Variants in CLDN10 observed in about 807,000 individuals in gnomAD.
CLDN10 encodes claudin 10, also known as claudin-10.
Under a neutral mutation model 22.9 loss-of-function variants are expected in CLDN10, and 15 were observed. The ratio of observed to expected loss-of-function variants is 0.65; its 90% confidence interval spans 0.44 to 1.01. The LOEUF (loss-of-function observed/expected upper bound fraction) is 1.01, where lower values mean the gene tolerates loss of function less well. CLDN10 is among the 50% of genes least tolerant of loss of function. CLDN10 has a pLI of 0.00. For missense variants in CLDN10, 247 were observed against 287.8 expected (o/e 0.86, Z 1.03); for synonymous variants, 114 against 111.4 (o/e 1.02, Z -0.15).
intron 1 of CLDN10, among the ~76,000 whole-genome samples, chr13:95,527,376 G>A (rs898728453): frequency 1.3e-5 from 2 of 152,106 alleles, no homozygotes; most frequent in African/African-American, 4.8e-5. Context: ...ACAAATGTGT[G>A]TGTCTCCCAT....
In CLDN10 at chr13:95,552,963, G is replaced by A. The variant is rs2043585889; in HGVS notation, c.210G>A (p.Leu70=). The change falls in exon 1 of 5, where the codon CTG becomes CTA. Residue 70 remains leucine (L), a synonymous_variant. Transcript: ENST00000299339. The part of the protein sequence containing the change: ...VSNCKDFPSM[L]ALDGYIQACR... ...ACTGCAAGGACTTCCCCTCCATGCT[G>A]GCGCTGGACGGTCTGCATCCCCGCG... is the stretch of plus-strand genomic sequence containing the variant. The A allele has an allele frequency of 6.2e-7, 1 of 1,613,790 alleles. No homozygotes were observed. The highest frequency in any genetic ancestry group is 8.5e-7 in the Non-Finnish European group (1 of 1,179,974).
chr13:95,473,165 G>C (rs1020987992), intron 1 of CLDN10, among the ~76,000 whole-genome samples: 2 of 147,058 alleles, frequency 1.4e-5, no homozygotes, highest in Admixed American at 6.8e-5. Flanking sequence ...AAAAAGGAGA[G>C]AGAGAGAGAA....
At chr13:95,449,701 G>A (rs2042414327) in intron 1 of CLDN10, among the ~76,000 whole-genome samples, 2 of 151,468 alleles carry the variant, frequency 1.3e-5, no homozygotes, top group African/African-American at 4.8e-5. Flanking sequence ...GAGTAGCTGG[G>A]ACTATAGGTG....
chr13:95,445,077 G>C (rs1274142592), intron 1 of CLDN10, among the ~76,000 whole-genome samples: 2 of 152,204 alleles, frequency 1.3e-5, no homozygotes, highest in Non-Finnish European at 2.9e-5. Context: ...CGCCTGGCCT[G>C]AGCACTCCCA....
chr13:95,468,947 C>A (rs1392459265), intron 1 of CLDN10, among the ~76,000 whole-genome samples: 2 of 151,954 alleles, frequency 1.3e-5, no homozygotes, highest in African/African-American at 4.8e-5. Flanking sequence ...GCACTGAAAA[C>A]CTTAGCTCCT....
chr13:95,536,496 C>G (rs2043401368), intron 1 of CLDN10, among the ~76,000 whole-genome samples: 1 of 152,106 alleles, frequency 6.6e-6, no homozygotes, highest in African/African-American at 2.4e-5. Context: ...TATCCTTAAC[C>G]ATACAAAACT....
intron 3 of CLDN10, among the ~76,000 whole-genome samples, chr13:95,576,937 C>A (rs1225250804): frequency 6.6e-6 from 1 of 152,170 alleles, no homozygotes; most frequent in Non-Finnish European, 1.5e-5. Context: ...AGGCAGCGTG[C>A]AGAGGAAAGG....
intron 1 of CLDN10, among the ~76,000 whole-genome samples, chr13:95,477,757 T>G (rs80349010): frequency 1.3e-5 from 2 of 151,996 alleles, no homozygotes; most frequent in Non-Finnish European, 2.9e-5. Context: ...CACCCCAGAC[T>G]GAACGAATCT....
At chr13:95,534,822 G>A (rs1328984338) in intron 1 of CLDN10, among the ~76,000 whole-genome samples, 1 of 151,712 alleles carries the variant, frequency 6.6e-6, no homozygotes, top group Non-Finnish European at 1.5e-5. Context: ...TTCAATAAAC[G>A]GTAGCCAATC....
chr13:95,528,704 G>C (rs2043310630), intron 1 of CLDN10: 1 of 152,208 alleles, frequency 6.6e-6, no homozygotes, highest in Non-Finnish European at 1.5e-5. Context: ...CTAAGGAAAG[G>C]GAGAATGTCA....
intron 1 of CLDN10, among the ~76,000 whole-genome samples, chr13:95,454,677 G>T (rs1258696669): frequency 6.6e-6 from 1 of 152,280 alleles, no homozygotes; most frequent in Non-Finnish European, 1.5e-5. Flanking sequence ...GAAGGGAGGG[G>T]TGTGGGATCC....
Position 95,560,187 on chromosome 13 carries a change from T to C in CLDN10, c.276T>C (p.Phe92=). ...LMIAAVSLGF[F]GSIFALFGMK... is the part of the protein sequence containing the mutation. ...TCGCTGCTGTCAGCCTGGGCTTCTT[T>C]GGTTCCATATTTGCGCTCTTTGGAA... Residue 92 remains phenylalanine (F), a synonymous_variant, in exon 2 of 5, where the codon TTT becomes TTC. Coordinates refer to ENST00000299339, the MANE Select transcript of CLDN10 (RefSeq NM_006984.5). 6.2e-7 allele frequency: 1 copy of C among 1,614,210 alleles called. No homozygotes were observed.
At chr13:95,576,328 A>G (rs973229773) in intron 3 of CLDN10, among the ~76,000 whole-genome samples, 7 of 152,142 alleles carry the variant, frequency 4.6e-5, no homozygotes, top group Non-Finnish European at 1.5e-5. Flanking sequence ...TTTATTTTAC[A>G]CTGAAAAGCA....
At chr13:95,497,467 C>T (rs1483219604) in intron 1 of CLDN10, among the ~76,000 whole-genome samples, 1 of 152,178 alleles carries the variant, frequency 6.6e-6, no homozygotes, top group Admixed American at 6.5e-5. Flanking sequence ...ACAGCCCTGA[C>T]AGGAAGCAGA....
intron 3 of CLDN10, among the ~76,000 whole-genome samples, chr13:95,571,061 C>T (rs917301481): frequency 3.6e-5 from 5 of 137,476 alleles, no homozygotes; most frequent in Non-Finnish European, 8.5e-5. Context: ...CCTAATATAT[C>T]TGCTTCCCTA....
chr13:95,528,929 T>C (rs977220126), intron 1 of CLDN10, among the ~76,000 whole-genome samples: 9 of 152,194 alleles, frequency 5.9e-5, no homozygotes, highest in Non-Finnish European at 1.5e-5. Flanking sequence ...ATAGTATGAA[T>C]TGGTTGTCTA....
chr13:95,433,998 G>C (rs767766614), exon 1 of CLDN10: 1 of 1,614,106 alleles, frequency 6.2e-7, no homozygotes, highest in Non-Finnish European at 8.5e-7. Context: ...CAGGTAACGC[G>C]TTGGGTTCTT....
chr13:95,558,836 G>A (rs921889638), intron 1 of CLDN10, among the ~76,000 whole-genome samples: 2 of 152,066 alleles, frequency 1.3e-5, no homozygotes, highest in Non-Finnish European at 2.9e-5. Context: ...AAGGCAGGAG[G>A]ATCTCTTGAA....
chr13:95,435,962 TA>T (rs55831992), intron 1 of CLDN10, among the ~76,000 whole-genome samples: 17,463 of 141,384 alleles, frequency 0.12, 1,187 homozygotes, highest in Non-Finnish European at 0.16. Flanking sequence ...GGCCTCATCT[TA>T]AAAAAAAAAA....
Sources: allele counts gnomAD v4.1 joint callset (sites outside exome capture counted in the v4.1 genomes callset), GRCh38; gene constraint gnomAD v4.1.1; transcripts MANE v1.5; gene names NCBI Gene and HGNC (gene_info 2026-07-23, HGNC 2026-07-21).